TENT2: variants seen among roughly 807,000 people sequenced by gnomAD.
TENT2 encodes terminal nucleotidyltransferase 2.
Under a neutral mutation model 72.2 loss-of-function variants are expected in TENT2, and 44 were observed. The observed-to-expected ratio is 0.61, with a 90% CI of 0.48 to 0.78. The LOEUF (loss-of-function observed/expected upper bound fraction) is 0.78, where lower values mean the gene tolerates loss of function less well. Among genes scored for constraint, TENT2 ranks in the 30% least tolerant of loss-of-function variants. The pLI is 0.00. For synonymous variants in TENT2, 212 were observed against 192.5 expected (o/e 1.10, Z -0.84); for missense variants, 541 against 569.6 (o/e 0.95, Z 0.51).
At chr5:79,654,750 C>G (rs553181175) in intron 10 of TENT2, among the ~76,000 whole-genome samples, 63 of 150,000 alleles carry the variant, frequency 4.2e-4, no homozygotes, top group Non-Finnish European at 2.5e-4. Flanking sequence ...GGTGACAGAG[C>G]GAGACCCTGT....
intron 4 of TENT2, among the ~76,000 whole-genome samples, chr5:79,639,047 T>A (rs34582754): frequency 0.2 from 30,818 of 152,010 alleles, 4,604 homozygotes; most frequent in African/African-American, 0.42. Flanking sequence ...AGGACTGAAA[T>A]ACTGGTAGAC....
intron 14 of TENT2, among the ~76,000 whole-genome samples, chr5:79,683,313 TCACACACACA>T (rs111701863): frequency 2.3e-4 from 34 of 145,742 alleles, no homozygotes; most frequent in African/African-American, 5.7e-4. Context: ...ACGCACATGC[TCACACACACA>T]CACACACACA....
At chr5:79,624,332 C>T (rs1215354525) in intron 4 of TENT2, among the ~76,000 whole-genome samples, 3 of 152,170 alleles carry the variant, frequency 2.0e-5, no homozygotes, top group Admixed American at 6.5e-5. Flanking sequence ...AGTAAGTGTA[C>T]AGAAATGTTG....
intron 12 of TENT2, among the ~76,000 whole-genome samples, chr5:79,673,861 T>G (rs1200412472): frequency 1.3e-5 from 2 of 151,986 alleles, no homozygotes; most frequent in East Asian, 3.9e-4. Flanking sequence ...TGAAACTCCT[T>G]GAAAAAAACC....
intron 1 of TENT2, among the ~76,000 whole-genome samples, chr5:79,618,672 T>G (rs973190420): frequency 2.0e-5 from 3 of 152,146 alleles, no homozygotes; most frequent in African/African-American, 7.2e-5. Flanking sequence ...TGGTGATCCA[T>G]GGATGCCTAT....
intron 3 of TENT2, among the ~76,000 whole-genome samples, chr5:79,622,398 A>T (rs146281021): frequency 6.6e-6 from 1 of 152,154 alleles, no homozygotes; most frequent in Non-Finnish European, 1.5e-5. Flanking sequence ...ACAACTTAAT[A>T]TATCAATGAA....
chr5:79,639,379 A>AC (rs1429200511), intron 4 of TENT2, among the ~76,000 whole-genome samples: 1 of 152,152 alleles, frequency 6.6e-6, no homozygotes, highest in African/African-American at 2.4e-5. Context: ...CTAAGGGCCA[A>AC]CCTAAGACTA....
At chr5:79,646,408 T>C (rs1789042204) in intron 8 of TENT2, among the ~76,000 whole-genome samples, 1 of 152,164 alleles carries the variant, frequency 6.6e-6, no homozygotes, top group Non-Finnish European at 1.5e-5. Context: ...ACCCTGTGCT[T>C]ACCCTAGGAG....
chr5:79,687,545 A>G lies in TENT2; in HGVS notation c.*2272A>G, dbSNP rs1172440059. The stretch of plus-strand genomic sequence containing the variant: ...ATTACCTGATACGTAATACAATGTA[A>G]ATGCTATGTAAATAGTTGTTATACT... On this transcript the variant is annotated 3_prime_UTR_variant, in exon 15 of 15. Transcript: ENST00000453514. 1.3e-5 allele frequency among the ~76,000 whole-genome samples: 2 copies of G among 152,158 alleles called. No homozygotes were observed. Among genetic ancestry groups the G allele is most frequent in the Non-Finnish European group, 2.9e-5 (2 of 68,026 alleles).
intron 11 of TENT2, among the ~76,000 whole-genome samples, chr5:79,657,461 A>T (rs917888438): frequency 6.6e-6 from 1 of 152,130 alleles, no homozygotes; most frequent in African/African-American, 2.4e-5. Flanking sequence ...TTGCTAAGTA[A>T]TACACCACAA....
intron 12 of TENT2, among the ~76,000 whole-genome samples, chr5:79,669,921 A>C (rs1811590914): frequency 6.6e-6 from 1 of 152,130 alleles, no homozygotes; most frequent in Non-Finnish European, 1.5e-5. Context: ...CTCCAAGATC[A>C]CATAGCTAAT....
intron 14 of TENT2, 60 bp from the exon 15 acceptor site, chr5:79,685,139 C>A (rs1825602574): frequency 8.4e-7 from 1 of 1,193,000 alleles, no homozygotes; most frequent in East Asian, 2.4e-5. Context: ...CTTTTAAACT[C>A]TCAGTCTTTT....
intron 4 of TENT2, among the ~76,000 whole-genome samples, chr5:79,631,516 G>A (rs1775471825): frequency 6.6e-6 from 1 of 152,188 alleles, no homozygotes; most frequent in South Asian, 2.1e-4. Flanking sequence ...GCCATCATCA[G>A]CATACAGATG....
At chr5:79,664,423 C>T (rs1301374584) in intron 11 of TENT2, among the ~76,000 whole-genome samples, 12 of 151,974 alleles carry the variant, frequency 7.9e-5, no homozygotes, top group Non-Finnish European at 1.3e-4. Flanking sequence ...GGTCAAACCC[C>T]GTCTCTACTA....
chr5:79,662,107 C>T (rs888821068), intron 11 of TENT2, among the ~76,000 whole-genome samples: 1 of 152,174 alleles, frequency 6.6e-6, no homozygotes, highest in Admixed American at 6.5e-5. Context: ...TAGATTCTGT[C>T]TCAAGAAACT....
intron 3 of TENT2, among the ~76,000 whole-genome samples, chr5:79,621,757 C>CAAAA (rs397998298): frequency 1.2e-5 from 1 of 83,300 alleles, no homozygotes; most frequent in African/African-American, 5.1e-5. Flanking sequence ...GACTCTATCT[C>CAAAA]AAAAAAAAAA....
intron 4 of TENT2, among the ~76,000 whole-genome samples, chr5:79,630,098 G>C (rs1038777325): frequency 6.6e-6 from 1 of 152,188 alleles, no homozygotes; most frequent in Admixed American, 6.5e-5. Context: ...TCGCGTCACT[G>C]TACTCCAGCC....
chr5:79,640,283 G>A (rs1208267232), intron 4 of TENT2, among the ~76,000 whole-genome samples: 1 of 150,660 alleles, frequency 6.6e-6, no homozygotes, highest in African/African-American at 2.5e-5. Flanking sequence ...GTGGTAAGTC[G>A]ATGGCAACAT....
rs766886759 is a variant in TENT2, at chr5:79,668,904, C to T, written c.1084C>T (p.Pro362Ser). 1.2e-6 allele frequency: 2 copies of T among 1,607,646 alleles called. No individual in the cohort carries two copies. The highest frequency in any genetic ancestry group is 8.5e-7 in the Non-Finnish European group (1 of 1,176,574). Reference sequence around the variant, plus strand: ...TTCTTTTTGACAGGAGTCTTTTAGTCCTGCTATACAGCTGCACCTTGTACA... The same window carrying T: ...TTCTTTTTGACAGGAGTCTTTTAGTTCTGCTATACAGCTGCACCTTGTACA... ...LQKIYPESFS[P>S]AIQLHLVHQA... is the part of the protein sequence containing the mutation. The change falls in exon 12 of 15, where the codon CCT becomes TCT. Residue 362 changes from proline (P) to serine (S), a missense_variant. Physicochemically the swap from Pro to Ser is moderately conservative, Grantham distance 74 (BLOSUM62 -1). Coordinates refer to ENST00000453514, the MANE Select transcript of TENT2 (RefSeq NM_001114394.3).
Sources: gnomAD v4.1 joint callset for allele counts (sites outside exome capture counted in the v4.1 genomes callset) on GRCh38, gnomAD v4.1.1 for gene constraint, MANE v1.5 for transcripts, NCBI Gene and HGNC (gene_info 2026-07-23, HGNC 2026-07-21) for gene names.